The following CCBE1 variants were observed in gnomAD, a reference collection of about 807,000 sequenced individuals.
CCBE1 encodes the protein collagen and calcium binding EGF domains 1.
CCBE1 carries 37 observed loss-of-function variants against 50.0 expected under a neutral mutation model. That is an observed-to-expected ratio of 0.74 (90% confidence interval 0.57 to 0.97). CCBE1 has a LOEUF of 0.97. CCBE1 is among the 50% of genes least tolerant of loss of function. CCBE1 has a pLI of 0.00. For synonymous variants in CCBE1, 234 were observed against 203.7 expected (o/e 1.15, Z -1.27); for missense variants, 538 against 523.8 (o/e 1.03, Z -0.26).
intron 2 of CCBE1, among the ~76,000 whole-genome samples, chr18:59,694,026 C>T (rs990475951): frequency 1.3e-5 from 2 of 151,890 alleles, no homozygotes; most frequent in African/African-American, 4.8e-5. Context: ...TGTGTGCCAC[C>T]ACACCATGCT....
intron 2 of CCBE1, among the ~76,000 whole-genome samples, chr18:59,613,467 C>T (rs2053597903): frequency 6.6e-6 from 1 of 152,154 alleles, no homozygotes; most frequent in Admixed American, 6.5e-5. Context: ...AAATCTGATT[C>T]TATGTAAGCA....
intron 2 of CCBE1, among the ~76,000 whole-genome samples, chr18:59,509,960 G>A (rs907527836): frequency 6.6e-5 from 10 of 152,142 alleles, no homozygotes. Context: ...TGTTGTACAA[G>A]GACACCAGGC....
chr18:59,594,261 C>T (rs796370860), intron 2 of CCBE1, among the ~76,000 whole-genome samples: 30 of 152,280 alleles, frequency 2.0e-4, no homozygotes, highest in African/African-American at 7.0e-4. Flanking sequence ...AGATGGGTTC[C>T]TGAAAATTTG....
At chr18:59,613,720 G>C (rs113076843) in intron 2 of CCBE1, among the ~76,000 whole-genome samples, 7,364 of 151,806 alleles carry the variant, frequency 0.049, 488 homozygotes, top group African/African-American at 0.15. Flanking sequence ...GCAACATAGT[G>C]AGACCCCATC....
At chr18:59,468,851 T>TC (rs1555680741) in intron 4 of CCBE1, among the ~76,000 whole-genome samples, 31,115 of 149,244 alleles carry the variant, frequency 0.21, 3,365 homozygotes, top group East Asian at 0.34. Flanking sequence ...TTTTTTTTTT[T>TC]CCCCAAACGA....
At chr18:59,575,401 G>GT (rs2052980079) in intron 2 of CCBE1, among the ~76,000 whole-genome samples, 1 of 152,142 alleles carries the variant, frequency 6.6e-6, no homozygotes, top group African/African-American at 2.4e-5. Flanking sequence ...ACTTTTCTAG[G>GT]TTATCCACAA....
At chr18:59,466,651 CTATA>C (rs1911758679) in intron 5 of CCBE1, 84 bp downstream of exon 5, 3 of 690,926 alleles carry the variant, frequency 4.3e-6, no homozygotes, top group African/African-American at 1.9e-5. Flanking sequence ...ATAATCATAT[CTATA>C]TAATATATAA....
intron 3 of CCBE1, among the ~76,000 whole-genome samples, chr18:59,475,873 C>T (rs1379674475): frequency 6.6e-6 from 1 of 152,266 alleles, no homozygotes; most frequent in South Asian, 2.1e-4. Context: ...TGCCAGACAC[C>T]AGGCCTGGCT....
intron 2 of CCBE1, among the ~76,000 whole-genome samples, chr18:59,575,159 C>A (rs984605270): frequency 6.6e-6 from 1 of 152,152 alleles, no homozygotes; most frequent in Non-Finnish European, 1.5e-5. Context: ...CTGAAGGAAC[C>A]AACCCTGCTG....
chr18:59,602,899 A>G (rs1210608735), intron 2 of CCBE1, among the ~76,000 whole-genome samples: 2 of 152,264 alleles, frequency 1.3e-5, no homozygotes, highest in Non-Finnish European at 2.9e-5. Context: ...ATCAGACTCC[A>G]GCTTCACATG....
In CCBE1 at chr18:59,687,238, G is replaced by A. The variant is rs377233747; in HGVS notation, c.212+9391C>T. 4.5e-4 allele frequency among the ~76,000 whole-genome samples: 69 copies of A among 152,282 alleles called. 4 individuals are homozygous for A. In the South Asian group the frequency reaches 8.5e-3, roughly 19 times the overall value. ...GCCCTCCAATCTTCGAGGAAATAGC[G>A]CTAGACAAAAGAAGAGGGTTACAAA... On this transcript the variant is annotated intron_variant, in intron 2 of 10. Transcript: ENST00000439986.
intron 2 of CCBE1, among the ~76,000 whole-genome samples, chr18:59,503,789 A>G (rs1913738559): frequency 6.6e-6 from 1 of 152,100 alleles, no homozygotes; most frequent in South Asian, 2.1e-4. Context: ...GCCCCACTTC[A>G]CTTCTTCAGG....
At chr18:59,690,143 A>G (rs922214323) in intron 2 of CCBE1, among the ~76,000 whole-genome samples, 1 of 152,194 alleles carries the variant, frequency 6.6e-6, no homozygotes, top group African/African-American at 2.4e-5. Flanking sequence ...CAATTTTCAG[A>G]TATATTCTAA....
chr18:59,697,489 C>T (rs2054828205), upstream of CCBE1: 1 of 1,065,362 alleles, frequency 9.4e-7, no homozygotes, highest in African/African-American at 1.6e-5. Context: ...GAGCAGGGGT[C>T]CGGAATATTA....
intron 2 of CCBE1, among the ~76,000 whole-genome samples, chr18:59,651,491 TCATTC>T (rs2144666996): frequency 6.6e-6 from 1 of 152,348 alleles, no homozygotes; most frequent in South Asian, 2.1e-4. Context: ...AGGCTGGCAG[TCATTC>T]ACAGAACTAA....
intron 2 of CCBE1, among the ~76,000 whole-genome samples, chr18:59,687,396 A>C (rs2054670064): frequency 7.2e-6 from 1 of 138,980 alleles, no homozygotes; most frequent in African/African-American, 2.5e-5. Context: ...CCTATTTCTG[A>C]ACAGATCTGT....
chr18:59,454,706 A>G, intron 6 of CCBE1, 145 bp downstream of exon 6: 1 of 762,092 alleles, frequency 1.3e-6, no homozygotes, highest in Admixed American at 2.0e-5. Flanking sequence ...TGGGCAAAAC[A>G]TCCCAAGTCC....
At chr18:59,689,527 C>A (rs1175952281) in intron 2 of CCBE1, among the ~76,000 whole-genome samples, 1 of 152,202 alleles carries the variant, frequency 6.6e-6, no homozygotes, top group Non-Finnish European at 1.5e-5. Flanking sequence ...GGCATCACTA[C>A]CACCCCATTC....
At chr18:59,458,175 T>TCCTTCCACCCATCTTC (rs1911292065) in intron 5 of CCBE1, among the ~76,000 whole-genome samples, 2 of 151,102 alleles carry the variant, frequency 1.3e-5, no homozygotes, top group Non-Finnish European at 2.9e-5. Flanking sequence ...CATCCATCCA[T>TCCTTCCACCCATCTTC]CCTTCCATCC....
Sources: allele counts gnomAD v4.1 joint callset (sites outside exome capture counted in the v4.1 genomes callset), GRCh38; gene constraint gnomAD v4.1.1; transcripts MANE v1.5; gene names NCBI Gene and HGNC (gene_info 2026-07-23, HGNC 2026-07-21).